The following CD163 variants were observed in gnomAD, a reference collection of about 807,000 sequenced individuals.
CD163 encodes the protein CD163 molecule.
A neutral mutation model predicts 129.2 loss-of-function variants in CD163; 64 were observed. The ratio of observed to expected loss-of-function variants is 0.50; its 90% CI spans 0.41 to 0.61. The LOEUF (loss-of-function observed/expected upper bound fraction) is 0.61. CD163 is among the 20% of genes least tolerant of loss of function. The pLI is 0.00. For synonymous variants in CD163, 446 were observed against 478.5 expected, an observed-to-expected ratio of 0.93 and a Z score of 0.89; for missense variants, 1,061 against 1,377.9, an observed-to-expected ratio of 0.77 and a Z score of 3.64.
chr12:7,485,528 T>C lies in CD163; in HGVS notation c.2459-112A>G. The C allele has an allele frequency of 1.6e-6, 1 of 633,420 alleles. No homozygotes were observed. Among genetic ancestry groups the C allele is most frequent in the African/African-American group, 1.8e-5 (1 of 55,148 alleles). 39.2% of individuals were successfully genotyped at this position (633,420 alleles called of 1,614,324 possible). The stretch of plus-strand genomic sequence containing the variant: ...TAAAAATAGGTACAATAGTACAATA[T>C]GTCAGTTACTAATAATTCGTTAGTA... On this transcript the variant is annotated intron_variant, in intron 10 of 16. Transcript: ENST00000432237. This position sits in a 1 kb window ranked among gnomAD's most constrained non-coding sequence, Gnocchi z 4.5.
Position 7,499,203 on chromosome 12 carries a change from A to AGAC in CD163, c.458-18_458-16dup, listed in dbSNP as rs1184804063. On this transcript the variant is annotated splice_polypyrimidine_tract_variant and intron_variant, in intron 3 of 16. Transcript: ENST00000432237. ...ATTGGATCCATCTGGAGCAGAGAAA[A>AGAC]GACCAGAGTTCAGAAGTTACATTCA... is the stretch of plus-strand genomic sequence containing the variant. The AGAC allele has an allele frequency of 2.5e-6, 4 of 1,591,984 alleles. No homozygotes were observed. The highest frequency in any genetic ancestry group is 2.6e-6 in the Non-Finnish European group (3 of 1,169,262).
At chr12:7,498,718 G>T in intron 4 of CD163, 150 bp downstream of exon 4, 1 of 708,024 alleles carries the variant, frequency 1.4e-6, no homozygotes, top group Non-Finnish European at 2.3e-6. Flanking sequence ...AAGTCCACAG[G>T]TATCAGAACT....
chr12:7,498,757 G>T, intron 4 of CD163, 111 bp downstream of exon 4: 1 of 1,064,216 alleles, frequency 9.4e-7, no homozygotes, highest in Non-Finnish European at 1.4e-6. Flanking sequence ...AAAATGCGGT[G>T]ACAAAAGAAG....
chr12:7,490,211 G>A lies in CD163; in HGVS notation c.1421-2124C>T, dbSNP rs527555405. 7.9e-5 allele frequency among the ~76,000 whole-genome samples: 12 copies of A among 152,028 alleles called. No homozygotes were observed. The South Asian group carries it at 2.3e-3, about 29-fold the overall frequency. ...ATAACATAGATCTAAACTGGATCTT[G>A]AAAAAAGATGAGGAGTTTGCCAAAT... On this transcript the variant is annotated intron_variant, in intron 6 of 16. Coordinates refer to ENST00000432237, the MANE Select transcript of CD163 (RefSeq NM_203416.4).
intron 15 of CD163, 71 bp from the exon 16 acceptor site, chr12:7,479,984 T>C: frequency 1.2e-6 from 2 of 1,608,856 alleles, no homozygotes; most frequent in South Asian, 1.1e-5. Context: ...ATCAGCTGAC[T>C]CATGGGAATT....
intron 11 of CD163, 150 bp from the exon 12 acceptor site, chr12:7,483,825 G>GTATATATATATATATATATATATA (rs746624782): frequency 5.8e-5 from 4 of 68,416 alleles, no homozygotes; most frequent in African/African-American, 1.8e-4. Context: ...ATATATATAT[G>GTATATATATATATATATATATATA]TATATATATA....
chr12:7,476,186 C>A (rs1367161346), intron 16 of CD163, among the ~76,000 whole-genome samples: 1 of 152,102 alleles, frequency 6.6e-6, no homozygotes, highest in Admixed American at 6.5e-5. Context: ...AGATTCAATG[C>A]TATTCTCATC....
rs1427200016 is a variant in CD163, at chr12:7,496,585, T to C, written c.1099+228A>G. On this transcript the variant is annotated intron_variant, in intron 5 of 16. Transcript: ENST00000432237. This position sits in a 1 kb window ranked among gnomAD's most constrained non-coding sequence, Gnocchi z 4.8. ...GATTCTGAGTTTGAAGTGTGCTCCA[T>C]AAAAGCAGTCTGAGTAATTATTACA... 6.6e-6 allele frequency among the ~76,000 whole-genome samples: 1 copy of C among 152,168 alleles called. No individual in the cohort carries two copies. Among genetic ancestry groups the C allele is most frequent in the Non-Finnish European group, 1.5e-5 (1 of 68,034 alleles).
Position 7,495,099 on chromosome 12 carries a change from C to T in CD163, c.1402G>A (p.Ala468Thr), listed in dbSNP as rs1245375046. 2 of 1,613,736 alleles carry T rather than the reference C, an allele frequency of 1.2e-6. No individual in the cohort carries two copies. The highest frequency in any genetic ancestry group is 1.1e-5 in the South Asian group (1 of 91,084). ...GGLTCDHYEEAKITCSAHREP... is the reference protein window; with the variant it reads ...GGLTCDHYEETKITCSAHREP... The stretch of plus-strand genomic sequence containing the variant: ...GTCATACCTGAGCAGGTAATTTTGG[C>T]TTCTTCATAGTGATCACAGGTAAGT... Residue 468 changes from alanine to threonine, a missense_variant, in exon 6 of 17, where the codon GCC becomes ACC. Coordinates refer to ENST00000432237, the MANE Select transcript of CD163 (RefSeq NM_203416.4).
intron 14 of CD163, 24 bp downstream of exon 14, chr12:7,482,619 A>G (rs775533487): frequency 3.7e-6 from 6 of 1,613,580 alleles, no homozygotes; most frequent in Middle Eastern, 1.7e-4. Context: ...TAGACATATT[A>G]GATAAACCAA....
Position 7,485,362 on chromosome 12 carries a change from C to T in CD163, c.2513G>A (p.Arg838His), listed in dbSNP as rs1401975667. The T allele has an allele frequency of 6.8e-6, 11 of 1,614,086 alleles. No individual in the cohort carries two copies. The highest frequency in any genetic ancestry group is 1.7e-5 in the Admixed American group (1 of 60,004). The change falls in exon 11 of 17, where the codon CGT becomes CAT. Residue 838 changes from arginine to histidine, a missense_variant. Transcript: ENST00000432237. This position sits in a 1 kb window ranked among gnomAD's most constrained non-coding sequence, Gnocchi z 4.5. ...AGCTCCATTGTAAAAAACTTCCAGACGCCCTGCACAGGCCTCTCTGCTGGC... is the reference window on the plus strand; with the variant it reads ...AGCTCCATTGTAAAAAACTTCCAGATGCCCTGCACAGGCCTCTCTGCTGGC... The part of the protein sequence containing the change: ...SEASREACAG[R>H]LEVFYNGAWG...
rs1224040347 is a variant in CD163 at position 7,487,754 on chromosome 12, G to C, written c.1735+19C>G. 6.2e-7 allele frequency: 1 copy of C among 1,613,798 alleles called. No homozygotes were observed. The highest frequency in any genetic ancestry group is 1.3e-5 in the African/African-American group (1 of 74,912). ...TTTCACAGTATGAGAACCAATTAAA[G>C]ATGTTTTCTGGGTCTTACTTGAGCA... On this transcript the variant is annotated intron_variant, in intron 7 of 16. Transcript: ENST00000432237. The surrounding 1 kb of genome is among the most constrained non-coding windows in gnomAD (Gnocchi z 5.1).
At chr12:7,481,135 A>C in intron 15 of CD163, 26 bp downstream of exon 15, 1 of 1,612,856 alleles carries the variant, frequency 6.2e-7, no homozygotes, top group Non-Finnish European at 8.5e-7. Flanking sequence ...ACCCCTGGGC[A>C]ATAGACCCTC....
In CD163 at chr12:7,498,831, C is replaced by A. The variant is rs879050591; in HGVS notation, c.778+37G>T. On this transcript the variant is annotated intron_variant, in intron 4 of 16. Coordinates refer to ENST00000432237, the MANE Select transcript of CD163 (RefSeq NM_203416.4). The stretch of plus-strand genomic sequence containing the variant: ...ATTTATTACCCCTTTCTTTTGTCCT[C>A]TCCTGGAGAATAGAATGAGCCAAGA... 9 of 1,581,038 alleles carry A rather than the reference C, an allele frequency of 5.7e-6. No homozygotes were observed. In the South Asian group the frequency reaches 9.2e-5, roughly 16 times the overall value.
chr12:7,484,846 A>G (rs1949225927), intron 11 of CD163, among the ~76,000 whole-genome samples: 2 of 152,208 alleles, frequency 1.3e-5, no homozygotes, highest in South Asian at 4.1e-4. Context: ...TCTTTCAAGC[A>G]GACCATGGGG....
At chr12:7,498,542 A>T (rs10743940) in intron 4 of CD163, among the ~76,000 whole-genome samples, 130,027 of 152,088 alleles carry the variant, frequency 0.85, 57,246 homozygotes, top group Non-Finnish European at 0.97. Flanking sequence ...AGTGCAAAAT[A>T]TCCTAGTAAA....
intron 1 of CD163, 74 bp from the exon 2 acceptor site, chr12:7,502,638 G>C: frequency 2.5e-6 from 2 of 793,226 alleles, no homozygotes; most frequent in Admixed American, 2.2e-5. Context: ...TGGTTTCAGA[G>C]GTTAATTAAC....
rs749192815 is a variant in CD163, at chr12:7,501,234, C to T, written c.362G>A (p.Arg121His). Reference sequence around the variant, plus strand: ...ATCCCAAAGAGCTGACTCATTCCCACGACAAGAAACATGATCCATCCAAAT... The same window carrying T: ...ATCCCAAAGAGCTGACTCATTCCCATGACAAGAAACATGATCCATCCAAAT... ...GRIWMDHVSCRGNESALWDCK... is the reference protein window; with the variant it reads ...GRIWMDHVSCHGNESALWDCK... The change falls in exon 3 of 17, where the codon CGT (arginine) becomes CAT (histidine). Residue 121 changes from arginine to histidine, a missense_variant. Coordinates refer to ENST00000432237, the MANE Select transcript of CD163 (RefSeq NM_203416.4). 15 of 1,614,100 alleles carry T rather than the reference C, an allele frequency of 9.3e-6. No individual in the cohort carries two copies. The highest frequency in any genetic ancestry group is 1.6e-4 in the Middle Eastern group (1 of 6,084).
At position 7,496,739 on chromosome 12, in the gene CD163, T is replaced by G; in HGVS notation, c.1099+74A>C. On this transcript the variant is annotated intron_variant, in intron 5 of 16. Transcript: ENST00000432237. The surrounding 1 kb of genome is among the most constrained non-coding windows in gnomAD (Gnocchi z 4.8). ...TTCTTAAGGAGCACGTTCCTACTCTTAAGGAGCACAGGACTTTCCGTTTCT... is the reference window on the plus strand; with the variant it reads ...TTCTTAAGGAGCACGTTCCTACTCTGAAGGAGCACAGGACTTTCCGTTTCT... 7.5e-7 allele frequency: 1 copy of G among 1,331,516 alleles called. No individual in the cohort carries two copies. The highest frequency in any genetic ancestry group is 1.1e-6 in the Non-Finnish European group (1 of 931,020). The allele number at this position is 1,331,516 out of a possible 1,614,324, so 82.5% of individuals were successfully genotyped here. A position where few individuals can be genotyped will look rare whatever the true frequency, so the allele number is the denominator to read the frequency against.
Sources: allele counts gnomAD v4.1 joint callset (sites outside exome capture counted in the v4.1 genomes callset), GRCh38; gene constraint gnomAD v4.1.1; non-coding constraint Gnocchi (gnomAD v3.1); transcripts MANE v1.5; gene names NCBI Gene and HGNC (gene_info 2026-07-23, HGNC 2026-07-21).